Variants in HIVEP1 observed in about 807,000 individuals in gnomAD.
HIVEP1 encodes the protein HIVEP zinc finger 1.
HIVEP1 carries 36 observed loss-of-function variants against 180.0 expected under a neutral mutation model. The ratio of observed to expected loss-of-function variants is 0.20; its 90% CI spans 0.15 to 0.26. The LOEUF is 0.26. Ranked by LOEUF, HIVEP1 falls within the 10% of genes least tolerant of loss-of-function variation. HIVEP1 has a pLI of 1.00. For synonymous variants in HIVEP1, 1,239 were observed against 1,239.0 expected, an observed-to-expected ratio of 1.00 and a Z score of 0.00; for missense variants, 3,143 against 3,268.7, an observed-to-expected ratio of 0.96 and a Z score of 0.94.
At chr6:12,178,924 TTAGA>T in the HIVEP1 span, among the ~76,000 whole-genome samples, 8 of 152,136 alleles carry the variant, frequency 5.3e-5, no homozygotes, top group South Asian at 1.2e-3. Flanking sequence ...AAAGAAAGCG[TTAGA>T]TAGATGGATG....
intron 2 of HIVEP1, among the ~76,000 whole-genome samples, chr6:12,075,796 A>G (rs1483879375): frequency 6.6e-6 from 1 of 152,146 alleles, no homozygotes; most frequent in Non-Finnish European, 1.5e-5. Context: ...CTATGTTTTC[A>G]TTATATAAGC....
chr6:12,174,715 GTTC>G, the HIVEP1 span, among the ~76,000 whole-genome samples: 2 of 152,126 alleles, frequency 1.3e-5, no homozygotes, highest in South Asian at 4.1e-4. Flanking sequence ...AGAATCGTAT[GTTC>G]TTTAGAATTT....
At chr6:12,126,102 C>T (rs1758054295) in intron 4 of HIVEP1, among the ~76,000 whole-genome samples, 1 of 152,166 alleles carries the variant, frequency 6.6e-6, no homozygotes, top group East Asian at 1.9e-4. Flanking sequence ...ATGATTTACC[C>T]TGAGCACTTT....
chr6:12,017,256 T>C (rs1023754719), intron 2 of HIVEP1, among the ~76,000 whole-genome samples: 1 of 152,226 alleles, frequency 6.6e-6, no homozygotes, highest in Admixed American at 6.5e-5. Context: ...TTGGTCTCAC[T>C]GACTTCAAGA....
At chr6:12,112,963 C>T (rs1213731270) in intron 3 of HIVEP1, among the ~76,000 whole-genome samples, 2 of 152,098 alleles carry the variant, frequency 1.3e-5, no homozygotes, top group African/African-American at 4.8e-5. Flanking sequence ...ACATCTGCTG[C>T]CCTTTCCCTA....
At chr6:12,078,578 AGC>A (rs773040517) in intron 2 of HIVEP1, among the ~76,000 whole-genome samples, 3 of 150,940 alleles carry the variant, frequency 2.0e-5, no homozygotes, top group Non-Finnish European at 4.4e-5. Context: ...CCCAGGTAAT[AGC>A]AGCACCTTGT....
the HIVEP1 span, among the ~76,000 whole-genome samples, chr6:12,199,644 G>A: frequency 6.6e-6 from 1 of 152,152 alleles, no homozygotes; most frequent in Non-Finnish European, 1.5e-5. Context: ...ACAGGCATAA[G>A]CCACTGTCAA....
chr6:12,045,129 C>T (rs980416142), intron 2 of HIVEP1, among the ~76,000 whole-genome samples: 9 of 141,854 alleles, frequency 6.3e-5, no homozygotes, highest in African/African-American at 2.4e-4. Context: ...CTAGCACAGT[C>T]AGCTCTGTTC....
In HIVEP1 at chr6:12,123,198, G is replaced by A; in HGVS notation, c.3403G>A (p.Val1135Ile). The A allele has an allele frequency of 6.2e-7, 1 of 1,614,202 alleles. No individual in the cohort carries two copies. Among genetic ancestry groups the A allele is most frequent in the Non-Finnish European group, 8.5e-7 (1 of 1,180,036 alleles). Residue 1135 changes from valine (V) to isoleucine (I), a missense_variant, in exon 4 of 9, where the codon GTC (valine) becomes ATC (isoleucine). Transcript: ENST00000379388. ...ELQRHGTGISVIQHTNSLSRP... is the reference protein window; with the variant it reads ...ELQRHGTGISIIQHTNSLSRP... ...GCAGAGACACGGAACTGGAATCTCT[G>A]TCATCCAGCACACCAACTCCCTGAG...
intron 7 of HIVEP1, among the ~76,000 whole-genome samples, chr6:12,138,656 TC>T (rs1324113025): frequency 6.6e-6 from 1 of 152,150 alleles, no homozygotes; most frequent in Non-Finnish European, 1.5e-5. Context: ...GGTAGTCTCA[TC>T]CGGTCTCCTG....
At position 12,121,445 on chromosome 6, in the gene HIVEP1, A is replaced by T. The variant is rs761828844; in HGVS notation, c.1650A>T (p.Arg550Ser). The change falls in exon 4 of 9, where the codon AGA (arginine) becomes AGT (serine). Residue 550 changes from arginine to serine, a missense_variant. Arg to Ser is a moderately radical substitution (Grantham distance 110). This residue lies in a region of HIVEP1 where 365 missense variants were observed against 344.4 expected (regional missense o/e 1.06). Transcript: ENST00000379388. The surrounding 1 kb of genome is among the most constrained non-coding windows in gnomAD (Gnocchi z 5.3). ...NVIGDFLLQD[R>S]SAESQAVTEL... is the part of the protein sequence containing the mutation. ...TAGGTGACTTTTTGCTACAGGACAG[A>T]TCTGCAGAATCACAAGCTGTGACAG... 1.9e-6 allele frequency: 3 copies of T among 1,614,170 alleles called. No individual in the cohort carries two copies. Among genetic ancestry groups the T allele is most frequent in the Non-Finnish European group, 2.5e-6 (3 of 1,180,028 alleles).
the HIVEP1 span, among the ~76,000 whole-genome samples, chr6:12,202,790 T>C: frequency 4.4e-4 from 67 of 152,262 alleles, no homozygotes; most frequent in South Asian, 0.013. Context: ...CATTCTCTCT[T>C]CTCTTGACCC....
chr6:12,120,877 G>A lies in HIVEP1; in HGVS notation c.1082G>A (p.Ser361Asn), dbSNP rs1164652214. 2 of 1,614,110 alleles carry A rather than the reference G, an allele frequency of 1.2e-6. No homozygotes were observed. The highest frequency in any genetic ancestry group is 1.3e-5 in the African/African-American group (1 of 75,022). ...GATTCTGCTTCACCTTTGTCAATAA[G>A]TCCGGCTAATTCTACACAGTCGCCC... ...QMDSASPLSI[S>N]PANSTQSPPM... The change falls in exon 4 of 9, where the codon AGT (serine) becomes AAT (asparagine). Residue 361 changes from serine (S) to asparagine (N), a missense_variant. Physicochemically the swap from Ser to Asn is conservative, Grantham distance 46. Around this residue, in one of 12 missense-constraint regions of HIVEP1, gnomAD observed 306 missense variants for 310.6 expected, o/e 0.99. Coordinates refer to ENST00000379388, the MANE Select transcript of HIVEP1 (RefSeq NM_002114.4).
At chr6:12,127,554 T>C (rs1192475945) in intron 4 of HIVEP1, among the ~76,000 whole-genome samples, 1 of 152,152 alleles carries the variant, frequency 6.6e-6, no homozygotes, top group Non-Finnish European at 1.5e-5. Flanking sequence ...AGGAGAGAGC[T>C]CTGGATGGAA....
the HIVEP1 span, among the ~76,000 whole-genome samples, chr6:12,184,630 A>AGCC: frequency 1.8e-3 from 272 of 152,258 alleles, 17 homozygotes; most frequent in Non-Finnish European, 1.1e-3. Flanking sequence ...TTTGAACCGC[A>AGCC]GCCCTTTGTG....
chr6:12,182,210 T>C, the HIVEP1 span, among the ~76,000 whole-genome samples: 2 of 152,212 alleles, frequency 1.3e-5, no homozygotes, highest in Non-Finnish European at 2.9e-5. Context: ...TTTCATGAAC[T>C]TGTCATGTTG....
chr6:12,171,343 C>G, the HIVEP1 span, among the ~76,000 whole-genome samples: 1 of 152,124 alleles, frequency 6.6e-6, no homozygotes, highest in African/African-American at 2.4e-5. Flanking sequence ...AGAGCCACTA[C>G]GCCCAGCCAG....
intron 2 of HIVEP1, among the ~76,000 whole-genome samples, chr6:12,077,083 C>G (rs960454115): frequency 2.6e-5 from 4 of 152,120 alleles, no homozygotes; most frequent in African/African-American, 9.7e-5. Flanking sequence ...CTCTTACTGA[C>G]AGAGTTTTCT....
downstream of HIVEP1, among the ~76,000 whole-genome samples, chr6:12,167,773 G>A (rs219953): frequency 5.6e-5 from 8 of 142,136 alleles, no homozygotes; most frequent in Non-Finnish European, 9.1e-5. Context: ...ATGTACATGT[G>A]TAGATGTGCG....
Sources: gnomAD v4.1 joint callset for allele counts (sites outside exome capture counted in the v4.1 genomes callset) on GRCh38, gnomAD v4.1.1 for gene constraint, gnomAD v4.1.1 regional missense constraint, Gnocchi (gnomAD v3.1) non-coding constraint, MANE v1.5 for transcripts, NCBI Gene and HGNC (gene_info 2026-07-23, HGNC 2026-07-21) for gene names.